BCL9L: variants seen among roughly 807,000 people sequenced by gnomAD.
The protein encoded by BCL9L is BCL9 like.
In BCL9L, 19 loss-of-function variants were observed where a neutral mutation model predicts 99.4. The ratio of observed to expected loss-of-function variants is 0.19; its 90% confidence interval spans 0.13 to 0.28. The LOEUF is 0.28. Ranked by LOEUF, BCL9L falls within the 10% of genes least tolerant of loss-of-function variation. The pLI is 1.00. For missense variants in BCL9L, 2,023 were observed against 2,101.6 expected, an observed-to-expected ratio of 0.96 and a Z score of 0.73; for synonymous variants, 900 against 854.8, an observed-to-expected ratio of 1.05 and a Z score of -0.92.
chr11:118,912,437 A>G (rs376240654), intron 2 of BCL9L, among the ~76,000 whole-genome samples: 2 of 152,130 alleles, frequency 1.3e-5, no homozygotes, highest in African/African-American at 4.8e-5. Flanking sequence ...AATGAATCGG[A>G]GGAGCGGAAG....
rs564769301 is a variant in BCL9L at position 118,899,163 on chromosome 11, A to G, written c.3752T>C (p.Leu1251Pro). Residue 1251 changes from leucine to proline, a missense_variant, in exon 10 of 10, where the codon CTG (leucine) becomes CCG (proline). Leu to Pro is a moderately conservative substitution (Grantham distance 98). Coordinates refer to ENST00000683865, the MANE Select transcript of BCL9L (RefSeq NM_001378213.1). ...PTGGGGGGPG[L>P]QQHYPSGMAL... Reference sequence around the variant, plus strand: ...CATGCCTGACGGGTAGTGCTGCTGCAGGCCAGGCCCCCCGCCCCCACCCCC... The same window carrying G: ...CATGCCTGACGGGTAGTGCTGCTGCGGGCCAGGCCCCCCGCCCCCACCCCC... 6.7e-7 allele frequency: 1 copy of G among 1,488,842 alleles called. No homozygotes were observed. Among genetic ancestry groups the G allele is most frequent in the South Asian group, 1.4e-5 (1 of 73,084 alleles). The allele number at this position is 1,488,842 out of a possible 1,614,324, so 92.2% of individuals were successfully genotyped here.
At chr11:118,923,441 C>T (rs1053653942) in intron 1 of BCL9L, among the ~76,000 whole-genome samples, 5 of 152,150 alleles carry the variant, frequency 3.3e-5, no homozygotes, top group African/African-American at 1.2e-4. Flanking sequence ...ACAGATTCAA[C>T]AGGCAAGATC....
chr11:118,904,209 G>A (rs1208647446), intron 5 of BCL9L, among the ~76,000 whole-genome samples: 1 of 152,150 alleles, frequency 6.6e-6, no homozygotes, highest in African/African-American at 2.4e-5. Flanking sequence ...GGGCGGTAGA[G>A]GCGGGCGGAT....
rs1167286460 is a variant in BCL9L, at chr11:118,897,085, GGGCA to G, written c.*1326_*1329del. The G allele has an allele frequency of 6.5e-6, 1 of 153,636 alleles. No individual in the cohort carries two copies. Among genetic ancestry groups the G allele is most frequent in the African/African-American group, 2.4e-5 (1 of 41,428 alleles). 9.5% of individuals were successfully genotyped at this position (153,636 alleles called of 1,614,324 possible). ...CAGAGGGACAACCTTGCCGGTGAGTGGGCAGGCAGAGAGGAGGCGGCAGGATGCT... is the reference window on the plus strand; with the variant it reads ...CAGAGGGACAACCTTGCCGGTGAGTGGGCAGAGAGGAGGCGGCAGGATGCT... On this transcript the variant is annotated 3_prime_UTR_variant, in exon 10 of 10. Transcript: ENST00000683865.
intron 1 of BCL9L, among the ~76,000 whole-genome samples, chr11:118,924,574 A>C (rs1345818700): frequency 6.6e-6 from 1 of 152,092 alleles, no homozygotes; most frequent in African/African-American, 2.4e-5. Flanking sequence ...GACCTACCCC[A>C]GCGCAACAAG....
In BCL9L at chr11:118,899,114, G is replaced by A; in HGVS notation, c.3801C>T (p.Pro1267=). Residue 1267 remains proline (P), a synonymous_variant, in exon 10 of 10, where the codon CCC becomes CCT. Coordinates refer to ENST00000683865, the MANE Select transcript of BCL9L (RefSeq NM_001378213.1). ...GAGGCATGGGGCCTGGCGGCTGGTT[G>A]GGCAGGTCCTCGGGAGGCAGGGCCA... ...SGMALPPEDL[P]NQPPGPMPPQ... 14 of 1,572,344 alleles carry A rather than the reference G, an allele frequency of 8.9e-6. No homozygotes were observed. The highest frequency in any genetic ancestry group is 1.1e-5 in the South Asian group (1 of 87,288).
intron 2 of BCL9L, among the ~76,000 whole-genome samples, chr11:118,918,264 TG>T (rs1766873984): frequency 8.1e-6 from 1 of 123,108 alleles, no homozygotes; most frequent in African/African-American, 4.3e-5. Flanking sequence ...GGGAAGAGGC[TG>T]TGTGTGTGTG....
intron 2 of BCL9L, among the ~76,000 whole-genome samples, chr11:118,913,055 G>C (rs1042944534): frequency 3.9e-4 from 59 of 152,278 alleles, no homozygotes; most frequent in African/African-American, 1.4e-3. Flanking sequence ...AGCCCAGCAG[G>C]AAATCTGCTC....
intron 5 of BCL9L, among the ~76,000 whole-genome samples, chr11:118,905,284 G>A (rs1443724926): frequency 1.3e-5 from 2 of 152,106 alleles, no homozygotes; most frequent in African/African-American, 2.4e-5. Flanking sequence ...CGAGGCGGGC[G>A]GATCACTTGA....
Position 118,902,813 on chromosome 11 carries a change from T to TGGC in BCL9L, c.927_929dup (p.Pro312dup). On this transcript the variant is annotated inframe_insertion, in exon 8 of 10. Transcript: ENST00000683865. The surrounding 1 kb of genome is among the most constrained non-coding windows in gnomAD (Gnocchi z 7.8). ...GCGGGGCACTGCCAGGGGCCGGGGG[T>TGGC]GGCGGCGGCGGCAGTGGAGGTGGCT... 1.3e-6 allele frequency: 2 copies of TGGC among 1,544,036 alleles called. No homozygotes were observed. The highest frequency in any genetic ancestry group is 1.4e-5 in the African/African-American group (1 of 72,510).
Position 118,914,943 on chromosome 11 carries a change from C to G in BCL9L, c.-77+3883G>C, listed in dbSNP as rs182973511. Among the ~76,000 whole-genome samples, 2 of 152,322 alleles carry G rather than the reference C, an allele frequency of 1.3e-5. No homozygotes were observed. The highest frequency in any genetic ancestry group is 4.8e-5 in the African/African-American group (2 of 41,568). Reference sequence around the variant, plus strand: ...ACGAGGTCAGGAGTTCAAGACCAGCCTGGCCATGATGGTGAAACCCTGTCT... The same window carrying G: ...ACGAGGTCAGGAGTTCAAGACCAGCGTGGCCATGATGGTGAAACCCTGTCT... On this transcript the variant is annotated intron_variant, in intron 2 of 9. Coordinates refer to ENST00000683865, the MANE Select transcript of BCL9L (RefSeq NM_001378213.1). The surrounding 1 kb of genome is among the most constrained non-coding windows in gnomAD (Gnocchi z 4.4).
chr11:118,910,679 G>A (rs1940750419), intron 2 of BCL9L: 1 of 152,894 alleles, frequency 6.5e-6, no homozygotes, highest in African/African-American at 2.4e-5. Context: ...GCGACAGCCA[G>A]CGAGGCAGCG....
Position 118,925,023 on chromosome 11 carries a change from A to G in BCL9L, c.-131+215T>C, listed in dbSNP as rs1419035291. Reference sequence around the variant, plus strand: ...CCCTGGCTGTCCCTAAGCCCTCCCCACGGTGTTCTGGAGCTGCCAACCTGA... The same window carrying G: ...CCCTGGCTGTCCCTAAGCCCTCCCCGCGGTGTTCTGGAGCTGCCAACCTGA... On this transcript the variant is annotated intron_variant, in intron 1 of 9. Transcript: ENST00000683865. The surrounding 1 kb of genome is among the most constrained non-coding windows in gnomAD (Gnocchi z 6.4). The G allele has an allele frequency of 6.6e-6, 1 of 152,344 alleles. No individual in the cohort carries two copies. The highest frequency in any genetic ancestry group is 2.4e-5 in the African/African-American group (1 of 41,434). 9.4% of individuals were successfully genotyped at this position (152,344 alleles called of 1,614,324 possible).
chr11:118,901,957 G>A lies in BCL9L; in HGVS notation c.1786C>T (p.Pro596Ser), dbSNP rs2137693553. ...VQDPMQLRGG[P>S]PFPGPRFPGN... is the part of the protein sequence containing the mutation. ...GGGAAACGGGGCCCAGGAAAGGGAG[G>A]TCCGCCCCGGAGCTGCATGGGATCT... The change falls in exon 8 of 10, where the codon CCT (proline) becomes TCT (serine). Residue 596 changes from proline to serine, a missense_variant. By Grantham distance (74) the Pro-to-Ser change is moderately conservative. Coordinates refer to ENST00000683865, the MANE Select transcript of BCL9L (RefSeq NM_001378213.1). This position sits in a 1 kb window ranked among gnomAD's most constrained non-coding sequence, Gnocchi z 6.6. 6.2e-7 allele frequency: 1 copy of A among 1,612,908 alleles called. No homozygotes were observed. The highest frequency in any genetic ancestry group is 1.7e-5 in the Admixed American group (1 of 59,950).
chr11:118,909,157 C>T lies in BCL9L; in HGVS notation c.27-502G>A, dbSNP rs575558732. Among the ~76,000 whole-genome samples, 5 of 152,308 alleles carry T rather than the reference C, an allele frequency of 3.3e-5. No individual in the cohort carries two copies. The South Asian group carries it at 8.3e-4, about 25-fold the overall frequency. ...TCATTCCCCAGGGACAGTGGGAAAACGCACACCAGGGAGTGCTACCCACTG... is the reference window on the plus strand; with the variant it reads ...TCATTCCCCAGGGACAGTGGGAAAATGCACACCAGGGAGTGCTACCCACTG... On this transcript the variant is annotated intron_variant, in intron 3 of 9. Coordinates refer to ENST00000683865, the MANE Select transcript of BCL9L (RefSeq NM_001378213.1).
rs1358826382 is a variant in BCL9L at position 118,922,266 on chromosome 11, C to G, written c.-131+2972G>C. 6.6e-6 allele frequency among the ~76,000 whole-genome samples: 1 copy of G among 152,204 alleles called. No homozygotes were observed. Among genetic ancestry groups the G allele is most frequent in the African/African-American group, 2.4e-5 (1 of 41,454 alleles). On this transcript the variant is annotated intron_variant, in intron 1 of 9. Coordinates refer to ENST00000683865, the MANE Select transcript of BCL9L (RefSeq NM_001378213.1). This position sits in a 1 kb window ranked among gnomAD's most constrained non-coding sequence, Gnocchi z 6.2. Reference sequence around the variant, plus strand: ...CCAGGCAGCCTTCAGGGCCGCCGAGCCAAGTGACATGCACCAGCTCAGGAG... The same window carrying G: ...CCAGGCAGCCTTCAGGGCCGCCGAGGCAAGTGACATGCACCAGCTCAGGAG...
chr11:118,900,528 G>A lies in BCL9L; in HGVS notation c.3124+91C>T. On this transcript the variant is annotated intron_variant, in intron 8 of 9. Transcript: ENST00000683865. The surrounding 1 kb of genome is among the most constrained non-coding windows in gnomAD (Gnocchi z 5.3). ...CCACCTCTGGGCCCGTGGTACACAGGCCCTTACTCACTCACTGCCCAGCCC... is the reference window on the plus strand; with the variant it reads ...CCACCTCTGGGCCCGTGGTACACAGACCCTTACTCACTCACTGCCCAGCCC... The A allele has an allele frequency of 6.6e-7, 1 of 1,508,134 alleles. No homozygotes were observed. The highest frequency in any genetic ancestry group is 8.8e-7 in the Non-Finnish European group (1 of 1,134,350). 93.4% of individuals were successfully genotyped at this position (1,508,134 alleles called of 1,614,324 possible).
Position 118,907,422 on chromosome 11 carries a change from C to T in BCL9L, c.532+61G>A, listed in dbSNP as rs911653689. The stretch of plus-strand genomic sequence containing the variant: ...TCACTTCTTTCCCAGGCTCAGTCCT[C>T]TCAAGTCCATCCCCCAGGAACATCA... On this transcript the variant is annotated intron_variant, in intron 5 of 9. Coordinates refer to ENST00000683865, the MANE Select transcript of BCL9L (RefSeq NM_001378213.1). The T allele has an allele frequency of 6.8e-6, 11 of 1,612,632 alleles. No homozygotes were observed. In the African/African-American group the frequency reaches 1.2e-4, roughly 18 times the overall value.
chr11:118,897,920 G>C lies in BCL9L; in HGVS notation c.*495C>G. 2.2e-6 allele frequency: 1 copy of C among 452,620 alleles called. No homozygotes were observed. Among genetic ancestry groups the C allele is most frequent in the Non-Finnish European group, 4.4e-6 (1 of 227,070 alleles). The allele number at this position is 452,620 out of a possible 1,614,324, so 28.0% of individuals were successfully genotyped here. A position where few individuals can be genotyped will look rare whatever the true frequency, so the allele number is the denominator to read the frequency against. On this transcript the variant is annotated 3_prime_UTR_variant, in exon 10 of 10. Coordinates refer to ENST00000683865, the MANE Select transcript of BCL9L (RefSeq NM_001378213.1). ...GGGGTCAGCCACATCAGCAGGGAAA[G>C]GATACGAAGCAGGTAAAGACAGAAG... is the stretch of plus-strand genomic sequence containing the variant.
Sources: gnomAD v4.1 joint callset for allele counts (sites outside exome capture counted in the v4.1 genomes callset) on GRCh38, gnomAD v4.1.1 for gene constraint, Gnocchi (gnomAD v3.1) non-coding constraint, MANE v1.5 for transcripts, NCBI Gene and HGNC (gene_info 2026-07-23, HGNC 2026-07-21) for gene names.